The following ZNF114 variants were observed in gnomAD, a reference collection of about 807,000 sequenced individuals.
ZNF114 encodes the protein zinc finger protein 114.
A neutral mutation model predicts 6.8 loss-of-function variants in ZNF114; 8 were observed. That is an observed-to-expected ratio of 1.18 (90% confidence interval 0.69 to 2.13). The LOEUF (loss-of-function observed/expected upper bound fraction) is 2.13, where lower values mean the gene tolerates loss of function less well. Among genes scored for constraint, ZNF114 ranks in the 30% most tolerant of loss-of-function variants. ZNF114 has a pLI of 0.00. For missense variants in ZNF114, 472 were observed against 519.5 expected (o/e 0.91, Z 0.89); for synonymous variants, 169 against 185.5 (o/e 0.91, Z 0.72).
intron 3 of ZNF114, among the ~76,000 whole-genome samples, chr19:48,275,597 G>T (rs1357716636): frequency 2.0e-5 from 3 of 152,144 alleles, no homozygotes; most frequent in African/African-American, 7.2e-5. Flanking sequence ...GTGATAGAGC[G>T]AGACCTTGTC....
At chr19:48,285,596 A>AAAGG (rs375002507) in intron 5 of ZNF114, among the ~76,000 whole-genome samples, 165 bp from the exon 6 acceptor site, 17 of 150,650 alleles carry the variant, frequency 1.1e-4, no homozygotes, top group African/African-American at 3.2e-4. Flanking sequence ...GAAAAGAAAG[A>AAAGG]AAGGAAGGAA....
intron 5 of ZNF114, among the ~76,000 whole-genome samples, chr19:48,285,469 G>T (rs1968090368): frequency 6.6e-6 from 1 of 151,908 alleles, no homozygotes; most frequent in Non-Finnish European, 1.5e-5. Flanking sequence ...CTGCACTCCA[G>T]CCTGGGCCAC....
At chr19:48,282,857 T>G (rs1283497641) in intron 5 of ZNF114, among the ~76,000 whole-genome samples, 1 of 149,560 alleles carries the variant, frequency 6.7e-6, no homozygotes, top group East Asian at 2.0e-4. Flanking sequence ...GGAATACAGG[T>G]GCACACCACC....
chr19:48,275,419 AACACACACACACACACAC>A lies in ZNF114; in HGVS notation c.-70+3613_-70+3630del, dbSNP rs58275965. The stretch of plus-strand genomic sequence containing the variant: ...CATGATGAAGTCCTGTCTCTACTAA[AACACACACACACACACAC>A]ACACACACACACACACACACAAAAT... On this transcript the variant is annotated intron_variant, in intron 3 of 5. Transcript: ENST00000595607. Among the ~76,000 whole-genome samples the A allele has an allele frequency of 4.5e-5, 6 of 133,150 alleles. 1 individual carries two copies. The South Asian group carries it at 7.4e-4, about 17-fold the overall frequency. The allele number at this position is 133,150 out of a possible 152,430, so 87.4% of individuals were successfully genotyped here. A position where few individuals can be genotyped will look rare whatever the true frequency, so the allele number is the denominator to read the frequency against.
At chr19:48,277,042 C>T (rs1600839152) in intron 3 of ZNF114, among the ~76,000 whole-genome samples, 2 of 152,204 alleles carry the variant, frequency 1.3e-5, no homozygotes, top group African/African-American at 4.8e-5. Flanking sequence ...CCTGTAATCT[C>T]AGCTACTCAG....
intron 4 of ZNF114, 68 bp downstream of exon 4, chr19:48,279,876 G>A (rs1967946668): frequency 6.2e-7 from 1 of 1,611,738 alleles, no homozygotes; most frequent in African/African-American, 1.3e-5. Flanking sequence ...GCCTCTGCCT[G>A]TGGCTGGGAG....
chr19:48,278,216 T>C (rs113582652), intron 3 of ZNF114, among the ~76,000 whole-genome samples: 8,458 of 152,268 alleles, frequency 0.056, 493 homozygotes, highest in African/African-American at 0.15. Flanking sequence ...GATTACAGGC[T>C]TGAGCCAACG....
intron 4 of ZNF114, among the ~76,000 whole-genome samples, chr19:48,280,835 G>A (rs905315480): frequency 4.6e-5 from 7 of 152,020 alleles, no homozygotes; most frequent in African/African-American, 9.7e-5. Context: ...TTACAGGCAC[G>A]AGCCACCATG....
rs376771053 is a variant in ZNF114, at chr19:48,274,583, C to T, written c.-70+2755C>T. Among the ~76,000 whole-genome samples, 58 of 150,954 alleles carry T rather than the reference C, an allele frequency of 3.8e-4. No individual in the cohort carries two copies. In the East Asian group the frequency reaches 0.011, roughly 28 times the overall value. On this transcript the variant is annotated intron_variant, in intron 3 of 5. Coordinates refer to ENST00000595607, the MANE Select transcript of ZNF114 (RefSeq NM_153608.4). Reference sequence around the variant, plus strand: ...GTGCAGTGGTGCAATCTCGTCTCACCGCAACCTCTGCCTTCCAGGTTCAAG... The same window carrying T: ...GTGCAGTGGTGCAATCTCGTCTCACTGCAACCTCTGCCTTCCAGGTTCAAG...
chr19:48,277,737 C>T lies in ZNF114; in HGVS notation c.-69-1994C>T, dbSNP rs769010827. 9.9e-4 allele frequency among the ~76,000 whole-genome samples: 147 copies of T among 147,742 alleles called. 2 individuals carry two copies. Among genetic ancestry groups the T allele is most frequent in the Non-Finnish European group, 1.9e-4 (13 of 67,434 alleles). On this transcript the variant is annotated intron_variant, in intron 3 of 5. Transcript: ENST00000595607. The stretch of plus-strand genomic sequence containing the variant: ...ATGTTTCCGAGGGTGTTCATTGCCT[C>T]CTGCTTCTTAATTCTTCTAAGCATT...
At chr19:48,280,035 C>T (rs1967950217) in intron 4 of ZNF114, among the ~76,000 whole-genome samples, 1 of 152,130 alleles carries the variant, frequency 6.6e-6, no homozygotes. Flanking sequence ...CACACCTCAT[C>T]CTGGCTGCCA....
intron 5 of ZNF114, among the ~76,000 whole-genome samples, chr19:48,285,224 G>A (rs191256118): frequency 6.6e-6 from 1 of 152,130 alleles, no homozygotes; most frequent in African/African-American, 2.4e-5. Flanking sequence ...GAGGCCTGGC[G>A]CGTTGGCTCA....
chr19:48,287,004 G>A lies in ZNF114; in HGVS notation c.*126G>A. 2.9e-6 allele frequency: 3 copies of A among 1,031,222 alleles called. No homozygotes were observed. The highest frequency in any genetic ancestry group is 2.6e-6 in the Non-Finnish European group (2 of 755,180). 63.9% of individuals were successfully genotyped at this position (1,031,222 alleles called of 1,614,324 possible). ...CTTCCCTGAACTCTCGTATCTTACA[G>A]AAATGTGAAAAAAAACCCTGTGAAG... is the stretch of plus-strand genomic sequence containing the variant. On this transcript the variant is annotated 3_prime_UTR_variant, in exon 6 of 6. Coordinates refer to ENST00000595607, the MANE Select transcript of ZNF114 (RefSeq NM_153608.4).
chr19:48,282,463 G>A lies in ZNF114; in HGVS notation c.102G>A (p.Val34=), dbSNP rs1286026304. ...DPAQRNLYRD[V]MLENSRNLAF... ...CTCAGAGGAATCTCTACAGAGACGT[G>A]ATGCTGGAAAATTCTAGGAACTTGG... Residue 34 remains valine, a synonymous_variant, in exon 5 of 6, where the codon GTG becomes GTA. Coordinates refer to ENST00000595607, the MANE Select transcript of ZNF114 (RefSeq NM_153608.4). The A allele has an allele frequency of 6.2e-7, 1 of 1,610,586 alleles. No homozygotes were observed.
intron 3 of ZNF114, among the ~76,000 whole-genome samples, chr19:48,274,103 TAC>T (rs35006676): frequency 0.26 from 39,201 of 150,882 alleles, 5,498 homozygotes; most frequent in East Asian, 0.38. Context: ...TATAAATGCA[TAC>T]ACACACACAT....
At chr19:48,280,342 C>G (rs187395233) in intron 4 of ZNF114, among the ~76,000 whole-genome samples, 70 of 152,064 alleles carry the variant, frequency 4.6e-4, no homozygotes, top group African/African-American at 1.6e-3. Context: ...AGTGATCACT[C>G]CACTGCATTC....
Position 48,286,484 on chromosome 19 carries a change from A to G in ZNF114, c.860A>G (p.Asn287Ser), listed in dbSNP as rs1175974575. ...TGTCAAACTGGGGCAACCTCTGCCA[A>G]CGCTCCAAATTCCGGTTCACACAAG... is the stretch of plus-strand genomic sequence containing the variant. ...KDCQTGATSA[N>S]APNSGSHKSH... The change falls in exon 6 of 6, where the codon AAC becomes AGC. Residue 287 changes from asparagine to serine, a missense_variant. Transcript: ENST00000595607. 4 of 1,614,232 alleles carry G rather than the reference A, an allele frequency of 2.5e-6. No individual in the cohort carries two copies. The highest frequency in any genetic ancestry group is 1.7e-5 in the Admixed American group (1 of 60,016).
In ZNF114 at chr19:48,285,979, C is replaced by A. The variant is rs1228736926; in HGVS notation, c.355C>A (p.Pro119Thr). ...AGTTGCCCCTGAGAAAGATGAATCT[C>A]CTGTTAGCATTTGTGAAGATCATGA... ...PAVAPEKDESPVSICEDHEMR... is the reference protein window; with the variant it reads ...PAVAPEKDESTVSICEDHEMR... Residue 119 changes from proline (P) to threonine (T), a missense_variant, in exon 6 of 6, where the codon CCT (proline) becomes ACT (threonine). Coordinates refer to ENST00000595607, the MANE Select transcript of ZNF114 (RefSeq NM_153608.4). 3.1e-6 allele frequency: 5 copies of A among 1,613,838 alleles called. No individual in the cohort carries two copies. The highest frequency in any genetic ancestry group is 4.2e-6 in the Non-Finnish European group (5 of 1,180,026).
chr19:48,286,029 C>G lies in ZNF114; in HGVS notation c.405C>G (p.Thr135=). The stretch of plus-strand genomic sequence containing the variant: ...AAATGAGGAACCACTCTAAACCTAC[C>G]TGCAGGCTTGTGCCTTCACAGGGAG... ...DHEMRNHSKP[T]CRLVPSQGDS... is the part of the protein sequence containing the mutation. Residue 135 remains threonine, a synonymous_variant, in exon 6 of 6, where the codon ACC becomes ACG. Coordinates refer to ENST00000595607, the MANE Select transcript of ZNF114 (RefSeq NM_153608.4). 1 of 1,614,002 alleles carries G rather than the reference C, an allele frequency of 6.2e-7. No homozygotes were observed. Among genetic ancestry groups the G allele is most frequent in the South Asian group, 1.1e-5 (1 of 91,082 alleles).
Sources: allele counts gnomAD v4.1 joint callset (sites outside exome capture counted in the v4.1 genomes callset), GRCh38; gene constraint gnomAD v4.1.1; transcripts MANE v1.5; gene names NCBI Gene and HGNC (gene_info 2026-07-23, HGNC 2026-07-21).